The following LRSAM1 variants were observed in gnomAD, a reference collection of about 807,000 sequenced individuals.
LRSAM1 encodes the protein leucine rich repeat and sterile alpha motif containing 1.
A neutral mutation model predicts 118.1 loss-of-function variants in LRSAM1; 96 were observed. The ratio of observed to expected loss-of-function variants is 0.81; its 90% confidence interval spans 0.69 to 0.96. The LOEUF (loss-of-function observed/expected upper bound fraction) is 0.96, where lower values mean the gene tolerates loss of function less well. Among genes scored for constraint, LRSAM1 ranks in the 40% least tolerant of loss-of-function variants. The pLI is 0.00. For synonymous variants in LRSAM1, 322 were observed against 364.2 expected (o/e 0.88, Z 1.32); for missense variants, 804 against 915.5 (o/e 0.88, Z 1.57).
intron 11 of LRSAM1, among the ~76,000 whole-genome samples, chr9:127,477,620 C>T (rs1019824385): frequency 2.6e-5 from 4 of 151,984 alleles, no homozygotes; most frequent in Non-Finnish European, 1.5e-5. Flanking sequence ...CATGGTGGTG[C>T]GTGCCTGCAG....
intron 21 of LRSAM1, among the ~76,000 whole-genome samples, chr9:127,494,792 A>G (rs1168360046): frequency 6.6e-6 from 1 of 152,090 alleles, no homozygotes; most frequent in Non-Finnish European, 1.5e-5. Flanking sequence ...TAAAAATATA[A>G]AAATTAGCCG....
At chr9:127,470,159 C>G (rs1331634969) in intron 10 of LRSAM1, among the ~76,000 whole-genome samples, 1 of 151,954 alleles carries the variant, frequency 6.6e-6, no homozygotes, top group Admixed American at 6.6e-5. Flanking sequence ...AGGTACATGC[C>G]TGTATTAGTC....
In LRSAM1 at chr9:127,473,803, T is replaced by A; in HGVS notation, c.622T>A (p.Ser208Thr). The change falls in exon 11 of 26, where the codon TCA becomes ACA. Residue 208 changes from serine to threonine, a missense_variant and splice_region_variant. Coordinates refer to ENST00000300417, the MANE Select transcript of LRSAM1 (RefSeq NM_001005373.4). Reference protein sequence around the residue: ...AAILQFLCKESGLEYYPPSQY... With the variant: ...AAILQFLCKETGLEYYPPSQY... ...AGCTTGTGTCCCGTCTCTTACAGAG[T>A]CAGGGCTGGAATACTACCCCCCTTC... The A allele has an allele frequency of 6.2e-7, 1 of 1,613,986 alleles. No homozygotes were observed. The highest frequency in any genetic ancestry group is 8.5e-7 in the Non-Finnish European group (1 of 1,180,014).
intron 6 of LRSAM1, among the ~76,000 whole-genome samples, chr9:127,458,665 T>C (rs1834618112): frequency 1.3e-5 from 2 of 152,194 alleles, no homozygotes; most frequent in African/African-American, 2.4e-5. Flanking sequence ...TTTTACACTG[T>C]GGAGTACCAC....
rs77464345 is a variant in LRSAM1 at position 127,466,951 on chromosome 9, C to T, written c.529-789C>T. Among the ~76,000 whole-genome samples the T allele has an allele frequency of 7.3e-3, 1,107 of 152,154 alleles. 12 individuals are homozygous for T. Among genetic ancestry groups the T allele is most frequent in the African/African-American group, 0.025 (1,049 of 41,516 alleles). On this transcript the variant is annotated intron_variant, in intron 9 of 25. Transcript: ENST00000300417. ...CTGGGGAGGTCGAGACTGCAGTGTTCGTGCCACTGCACTCCAGTCTGGGCA... is the reference window on the plus strand; with the variant it reads ...CTGGGGAGGTCGAGACTGCAGTGTTTGTGCCACTGCACTCCAGTCTGGGCA...
intron 10 of LRSAM1, chr9:127,470,966 C>T (rs1195816160): frequency 2.6e-5 from 4 of 152,060 alleles, no homozygotes; most frequent in Middle Eastern, 3.4e-3. Context: ...CTCTTCTCAC[C>T]GCTGCACTTG....
At chr9:127,497,365 A>G (rs1564283853) in intron 24 of LRSAM1, 31 bp downstream of exon 24, 1 of 1,598,380 alleles carries the variant, frequency 6.3e-7, no homozygotes, top group Non-Finnish European at 8.5e-7. Context: ...TCTTCCAGGC[A>G]GGGCTCCAGC....
At chr9:127,492,778 T>C (rs1044483634) in intron 20 of LRSAM1, 24 bp from the exon 21 acceptor site, 8 of 1,610,112 alleles carry the variant, frequency 5.0e-6, no homozygotes, top group Non-Finnish European at 6.8e-6. Context: ...CTCACGGTGG[T>C]GCGGGGTGTG....
intron 9 of LRSAM1, among the ~76,000 whole-genome samples, chr9:127,464,428 G>A (rs2132020257): frequency 6.6e-6 from 1 of 152,098 alleles, no homozygotes; most frequent in Non-Finnish European, 1.5e-5. Context: ...AGACCGTGCT[G>A]TCCAGAGCGG....
intron 24 of LRSAM1, among the ~76,000 whole-genome samples, chr9:127,498,834 G>A (rs113253813): frequency 0.039 from 5,953 of 152,062 alleles, 168 homozygotes; most frequent in Non-Finnish European, 0.058. Context: ...TGAGGTGGGC[G>A]GATCACCTGA....
chr9:127,464,920 G>A (rs1385198924), intron 9 of LRSAM1, among the ~76,000 whole-genome samples: 3 of 151,908 alleles, frequency 2.0e-5, no homozygotes, highest in Admixed American at 1.3e-4. Context: ...GGGATTACAG[G>A]TGTGAGCCAC....
intron 8 of LRSAM1, among the ~76,000 whole-genome samples, chr9:127,461,699 C>G (rs564675432): frequency 6.6e-6 from 1 of 152,304 alleles, no homozygotes; most frequent in South Asian, 2.1e-4. Context: ...AAACAAGGCC[C>G]GGGAAATCAA....
intron 10 of LRSAM1, among the ~76,000 whole-genome samples, chr9:127,471,259 G>A (rs140831224): frequency 2.7e-5 from 4 of 149,898 alleles, no homozygotes; most frequent in African/African-American, 4.9e-5. Flanking sequence ...CGGGTGGATC[G>A]CTTGAGCCCA....
intron 5 of LRSAM1, among the ~76,000 whole-genome samples, chr9:127,456,865 C>CA (rs563447915): frequency 0.01 from 1,012 of 99,540 alleles, 9 homozygotes; most frequent in African/African-American, 0.029. Context: ...GAGTTGGTCT[C>CA]AAAAAAAAAA....
chr9:127,483,266 G>C lies in LRSAM1; in HGVS notation c.1159+246G>C, dbSNP rs7875862. Among the ~76,000 whole-genome samples the C allele has an allele frequency of 0.43, 65,952 of 151,946 alleles. 15,112 individuals are homozygous for C. Among genetic ancestry groups the C allele is most frequent in the Non-Finnish European group, 0.5 (33,848 of 67,946 alleles). On this transcript the variant is annotated intron_variant, in intron 16 of 25. Transcript: ENST00000300417. ...CTTACTGCTCCCCAACTTTTCCAAG[G>C]CTCGGTTTTCTTAGCTATAAAATGG...
intron 10 of LRSAM1, 132 bp from the exon 11 acceptor site, chr9:127,473,669 G>A (rs528577487): frequency 2.7e-5 from 35 of 1,294,074 alleles, no homozygotes; most frequent in African/African-American, 2.3e-4. Flanking sequence ...AACACGAAGC[G>A]CCCAGGCTAG....
intron 7 of LRSAM1, among the ~76,000 whole-genome samples, chr9:127,460,781 G>A (rs1015936206): frequency 6.6e-5 from 10 of 152,044 alleles, no homozygotes; most frequent in Admixed American, 2.6e-4. Flanking sequence ...CCGGCAGGGC[G>A]AGGGGTGCGG....
At chr9:127,458,374 G>A (rs1223641523) in intron 6 of LRSAM1, among the ~76,000 whole-genome samples, 1 of 148,892 alleles carries the variant, frequency 6.7e-6, no homozygotes, top group African/African-American at 2.5e-5. Context: ...GGGCGACAGA[G>A]CGAGACTTCG....
intron 11 of LRSAM1, among the ~76,000 whole-genome samples, chr9:127,474,417 G>A (rs1564265935): frequency 6.6e-6 from 1 of 152,174 alleles, no homozygotes; most frequent in South Asian, 2.1e-4. Context: ...ATAGGCATGA[G>A]CCACCATGCT....
Sources: allele counts gnomAD v4.1 joint callset (sites outside exome capture counted in the v4.1 genomes callset), GRCh38; gene constraint gnomAD v4.1.1; transcripts MANE v1.5; gene names NCBI Gene and HGNC (gene_info 2026-07-23, HGNC 2026-07-21).